HIP1: variants seen among roughly 807,000 people sequenced by gnomAD.
HIP1 encodes huntingtin interacting protein 1, also known as huntingtin-interacting protein 1.
Under a neutral mutation model 147.6 loss-of-function variants are expected in HIP1, and 65 were observed. The observed-to-expected ratio is 0.44, with a 90% CI of 0.36 to 0.54. HIP1 has a LOEUF of 0.54. Ranked by LOEUF, HIP1 falls within the 20% of genes least tolerant of loss-of-function variation. The pLI is 0.00. For missense variants in HIP1, 1,061 were observed against 1,299.6 expected (o/e 0.82, Z 2.82); for synonymous variants, 479 against 504.0 (o/e 0.95, Z 0.67).
intron 1 of HIP1, among the ~76,000 whole-genome samples, chr7:75,606,435 T>C (rs1554503841): frequency 6.6e-6 from 1 of 152,038 alleles, no homozygotes; most frequent in Admixed American, 6.6e-5. Flanking sequence ...AAAAATTAGC[T>C]GAGTGTGGTG....
intron 1 of HIP1, among the ~76,000 whole-genome samples, chr7:75,628,858 G>A (rs1798125488): frequency 6.6e-6 from 1 of 152,070 alleles, no homozygotes; most frequent in Non-Finnish European, 1.5e-5. Flanking sequence ...GGTCTGGGTG[G>A]GTCCTCAGTG....
intron 1 of HIP1, among the ~76,000 whole-genome samples, chr7:75,734,812 C>T (rs1173766257): frequency 2.0e-5 from 3 of 152,188 alleles, no homozygotes; most frequent in African/African-American, 4.8e-5. Context: ...CACTGGAATG[C>T]CCCATCCCCT....
At position 75,607,236 on chromosome 7, in the gene HIP1, T is replaced by G. The variant is rs1210740695; in HGVS notation, c.121-7989A>C. ...AAAAAGAGTTGTTTTTTGTTTTGTT[T>G]TTTTTTTTTTTGAGACAGAGTCTTG... is the stretch of plus-strand genomic sequence containing the variant. On this transcript the variant is annotated intron_variant, in intron 1 of 30. Transcript: ENST00000336926. 3.6e-4 allele frequency among the ~76,000 whole-genome samples: 54 copies of G among 148,258 alleles called. 1 individual carries two copies. Among genetic ancestry groups the G allele is most frequent in the African/African-American group, 1.1e-3 (45 of 40,062 alleles).
chr7:75,643,410 C>T (rs1038161445), intron 1 of HIP1, among the ~76,000 whole-genome samples: 2 of 152,062 alleles, frequency 1.3e-5, no homozygotes, highest in East Asian at 3.9e-4. Context: ...GGCAGGAGGA[C>T]TGCTTGAGCC....
chr7:75,554,063 GC>G (rs1554492674), intron 21 of HIP1, 49 bp downstream of exon 21: 1 of 1,416,794 alleles, frequency 7.1e-7, no homozygotes, highest in Non-Finnish European at 9.9e-7. Context: ...ACTTTTAAAG[GC>G]CCCCTGCTCC....
At position 75,556,041 on chromosome 7, in the gene HIP1, T is replaced by C. The variant is rs1295248783; in HGVS notation, c.1812A>G (p.Lys604=). 8.7e-6 allele frequency: 14 copies of C among 1,613,990 alleles called. No homozygotes were observed. Among genetic ancestry groups the C allele is most frequent in the African/African-American group, 1.3e-5 (1 of 74,938 alleles). The change falls in exon 18 of 31, where the codon AAA becomes AAG. Residue 604 remains lysine, a synonymous_variant. Transcript: ENST00000336926. ...LRKELQDTQL[K]LASTEESMCQ... is the part of the protein sequence containing the mutation. ...CGTGACTTGCCTCTGTGCTGGCCAG[T>C]TTGAGCTGAGTGTCCTGCAGTTCTT...
intron 1 of HIP1, among the ~76,000 whole-genome samples, chr7:75,631,249 C>T (rs1376147410): frequency 1.3e-5 from 2 of 152,092 alleles, no homozygotes; most frequent in African/African-American, 4.8e-5. Flanking sequence ...ACTGGGATTA[C>T]AGGCATAAGC....
intron 2 of HIP1, among the ~76,000 whole-genome samples, chr7:75,593,015 C>T (rs1263667493): frequency 6.6e-6 from 1 of 152,184 alleles, no homozygotes. Context: ...GTCACCCAGA[C>T]TGGAGTGCAG....
rs567033369 is a variant in HIP1 at position 75,665,423 on chromosome 7, C to T, written c.121-66176G>A. Among the ~76,000 whole-genome samples, 30 of 152,078 alleles carry T rather than the reference C, an allele frequency of 2.0e-4. 1 individual carries two copies. In the South Asian group the frequency reaches 6.2e-3, roughly 32 times the overall value. On this transcript the variant is annotated intron_variant, in intron 1 of 30. Transcript: ENST00000336926. Reference sequence around the variant, plus strand: ...GAGGTAGTATCTGTGGAGAGAACCACGTGGGGCACAAAAGGGCCACTGAGC... The same window carrying T: ...GAGGTAGTATCTGTGGAGAGAACCATGTGGGGCACAAAAGGGCCACTGAGC...
rs782273860 is a variant in HIP1, at chr7:75,542,916, A to G, written c.2825T>C (p.Val942Ala). The change falls in exon 28 of 31, where the codon GTG (valine) becomes GCG (alanine). Residue 942 changes from valine (V) to alanine (A), a missense_variant. This residue lies in a region of HIP1 where 810 missense variants were observed against 946.8 expected (regional missense o/e 0.86). Coordinates refer to ENST00000336926, the MANE Select transcript of HIP1 (RefSeq NM_005338.7). Reference sequence around the variant, plus strand: ...CACAACGCCGGCAGTGGCCTGGTTCACTCCCCGAGAGGCCTGCTGCAGCTG... The same window carrying G: ...CACAACGCCGGCAGTGGCCTGGTTCGCTCCCCGAGAGGCCTGCTGCAGCTG... ...LAQLQQASRG[V>A]NQATAGVVAS... is the part of the protein sequence containing the mutation. 1 of 1,613,478 alleles carries G rather than the reference A, an allele frequency of 6.2e-7. No homozygotes were observed. Among genetic ancestry groups the G allele is most frequent in the Non-Finnish European group, 8.5e-7 (1 of 1,179,844 alleles).
At chr7:75,660,218 A>T (rs1477238359) in intron 1 of HIP1, among the ~76,000 whole-genome samples, 2 of 33,204 alleles carry the variant, frequency 6.0e-5, no homozygotes, top group African/African-American at 5.7e-4. Flanking sequence ...ATACGTGGTA[A>T]AAAAAAAAAA....
Position 75,553,443 on chromosome 7 carries a change from C to T in HIP1, c.2295+10G>A. On this transcript the variant is annotated intron_variant, in intron 22 of 30. Transcript: ENST00000336926. Reference sequence around the variant, plus strand: ...ATAACAATGCTCCTCAATGATACTACTCCAAGTACCTCGCCGATGGCCTTG... The same window carrying T: ...ATAACAATGCTCCTCAATGATACTATTCCAAGTACCTCGCCGATGGCCTTG... 6.2e-7 allele frequency: 1 copy of T among 1,613,514 alleles called. No individual in the cohort carries two copies. Among genetic ancestry groups the T allele is most frequent in the Middle Eastern group, 1.7e-4 (1 of 6,060 alleles).
chr7:75,600,024 C>T lies in HIP1; in HGVS notation c.121-777G>A, dbSNP rs11760798. Among the ~76,000 whole-genome samples, 597 of 151,580 alleles carry T rather than the reference C, an allele frequency of 3.9e-3. 4 individuals are homozygous for T. The highest frequency in any genetic ancestry group is 6.2e-3 in the Non-Finnish European group (423 of 67,904). On this transcript the variant is annotated intron_variant, in intron 1 of 30. Coordinates refer to ENST00000336926, the MANE Select transcript of HIP1 (RefSeq NM_005338.7). ...CTAATTTTTGTATTTTTAGTAGAGACGTGGTTTCACCATGTTGGTTGGCCA... is the reference window on the plus strand; with the variant it reads ...CTAATTTTTGTATTTTTAGTAGAGATGTGGTTTCACCATGTTGGTTGGCCA...
At chr7:75,650,540 C>A (rs1011560775) in intron 1 of HIP1, among the ~76,000 whole-genome samples, 1 of 148,562 alleles carries the variant, frequency 6.7e-6, no homozygotes, top group African/African-American at 2.5e-5. Context: ...GAAACCTCTA[C>A]CTCCTGGGTT....
At chr7:75,687,034 C>G (rs530478789) in intron 1 of HIP1, among the ~76,000 whole-genome samples, 1 of 152,018 alleles carries the variant, frequency 6.6e-6, no homozygotes, top group Non-Finnish European at 1.5e-5. Context: ...CTTTATCGAG[C>G]ATTTCTGGTA....
intron 8 of HIP1, among the ~76,000 whole-genome samples, chr7:75,572,888 C>A (rs2116887385): frequency 6.6e-6 from 1 of 152,318 alleles, no homozygotes; most frequent in Admixed American, 6.5e-5. Context: ...CTCTTCAGGG[C>A]CTGAGAAGGC....
intron 1 of HIP1, chr7:75,611,672 A>C: frequency 3.9e-6 from 4 of 1,023,586 alleles, no homozygotes; most frequent in Non-Finnish European, 4.7e-6. Context: ...TCACCTCTGG[A>C]GGGGGCTCTG....
chr7:75,688,430 TG>T (rs781922298), intron 1 of HIP1, among the ~76,000 whole-genome samples: 25 of 95,122 alleles, frequency 2.6e-4, no homozygotes, highest in South Asian at 7.1e-4. Context: ...CTGCAGGGGG[TG>T]GGGGGGATGA....
At chr7:75,639,180 G>A (rs1286688347) in intron 1 of HIP1, 1 of 982,718 alleles carries the variant, frequency 1.0e-6, no homozygotes, top group East Asian at 1.2e-4. Flanking sequence ...GGCCGGCAGG[G>A]CCCCCGCGGA....
Sources: gnomAD v4.1 joint callset for allele counts (sites outside exome capture counted in the v4.1 genomes callset) on GRCh38, gnomAD v4.1.1 for gene constraint, gnomAD v4.1.1 regional missense constraint, MANE v1.5 for transcripts, NCBI Gene and HGNC (gene_info 2026-07-23, HGNC 2026-07-21) for gene names.